The following ATP8A2 variants were observed in gnomAD, a reference collection of about 807,000 sequenced individuals.
ATP8A2 encodes ATPase phospholipid transporting 8A2, also known as phospholipid-transporting ATPase IB.
Under a neutral mutation model 165.6 loss-of-function variants are expected in ATP8A2, and 100 were observed. The observed-to-expected ratio is 0.60, with a 90% CI of 0.51 to 0.71. The LOEUF (loss-of-function observed/expected upper bound fraction) is 0.71, where lower values mean the gene tolerates loss of function less well. Ranked by LOEUF, ATP8A2 falls within the 30% of genes least tolerant of loss-of-function variation. The pLI, the probability that ATP8A2 is intolerant of heterozygous loss-of-function variation, is 0.00. For missense variants in ATP8A2, 1,227 were observed against 1,479.5 expected (o/e 0.83, Z 2.80); for synonymous variants, 543 against 548.8 (o/e 0.99, Z 0.15).
intron 16 of ATP8A2, among the ~76,000 whole-genome samples, chr13:25,567,667 G>T (rs1211840360): frequency 1.3e-5 from 2 of 152,172 alleles, no homozygotes; most frequent in African/African-American, 4.8e-5. Flanking sequence ...TTTAGTAAAA[G>T]CCTCCTAGCC....
chr13:25,998,808 C>G (rs905724605), intron 35 of ATP8A2, among the ~76,000 whole-genome samples: 2 of 152,150 alleles, frequency 1.3e-5, no homozygotes, highest in Non-Finnish European at 2.9e-5. Context: ...GAATGTCCCC[C>G]AAACTGTCCC....
rs543973196 is a variant in ATP8A2 at position 25,610,719 on chromosome 13, A to G, written c.2211+21020A>G. Among the ~76,000 whole-genome samples the G allele has an allele frequency of 4.0e-5, 6 of 151,894 alleles. No individual in the cohort carries two copies. The South Asian group carries it at 1.2e-3, about 31-fold the overall frequency. ...TTGCTTTGGCAGGGTGGTCATTTCC[A>G]TTCGTGGGATGTATTTCCATTTGTT... is the stretch of plus-strand genomic sequence containing the variant. On this transcript the variant is annotated intron_variant, in intron 24 of 36. Transcript: ENST00000381655.
At chr13:25,680,883 G>A (rs957321411) in intron 24 of ATP8A2, among the ~76,000 whole-genome samples, 6 of 152,160 alleles carry the variant, frequency 3.9e-5, no homozygotes, top group Admixed American at 6.5e-5. Flanking sequence ...TAGAGATATT[G>A]TAAAAGGGAC....
intron 2 of ATP8A2, among the ~76,000 whole-genome samples, chr13:25,510,163 C>T (rs150292397): frequency 1.4e-5 from 2 of 143,686 alleles, no homozygotes; most frequent in Non-Finnish European, 3.0e-5. Context: ...TGTCTGTTCC[C>T]GTCTGTCTGT....
At chr13:25,809,168 C>T (rs1318739720) in intron 27 of ATP8A2, among the ~76,000 whole-genome samples, 1 of 152,068 alleles carries the variant, frequency 6.6e-6, no homozygotes, top group Non-Finnish European at 1.5e-5. Context: ...GAACAACAGA[C>T]ACAGGGGCCT....
chr13:25,450,007 G>C (rs968083360), intron 1 of ATP8A2, among the ~76,000 whole-genome samples: 1 of 151,962 alleles, frequency 6.6e-6, no homozygotes, highest in Non-Finnish European at 1.5e-5. Flanking sequence ...AGTCCCCAGT[G>C]TGTGCTGTTC....
At chr13:25,634,925 G>T (rs2041332534) in intron 24 of ATP8A2, among the ~76,000 whole-genome samples, 1 of 152,020 alleles carries the variant, frequency 6.6e-6, no homozygotes, top group Non-Finnish European at 1.5e-5. Flanking sequence ...ACAATTACTA[G>T]ATCATTAGCA....
chr13:25,535,119 T>C (rs1324456388), intron 6 of ATP8A2, among the ~76,000 whole-genome samples: 2 of 152,184 alleles, frequency 1.3e-5, no homozygotes, highest in African/African-American at 4.8e-5. Context: ...GATGCTCTAG[T>C]GCGCTCTTGA....
At chr13:25,387,908 A>G (rs2033113659) in intron 1 of ATP8A2, among the ~76,000 whole-genome samples, 1 of 151,996 alleles carries the variant, frequency 6.6e-6, no homozygotes, top group Non-Finnish European at 1.5e-5. Flanking sequence ...TACTAAAAAT[A>G]TAAAATTAGC....
At chr13:25,927,322 CA>C in intron 33 of ATP8A2, 1 of 400,750 alleles carries the variant, frequency 2.5e-6, no homozygotes, top group Admixed American at 2.8e-5. Flanking sequence ...GGAGTGAGTT[CA>C]GTGTTTGGTT....
intron 6 of ATP8A2, among the ~76,000 whole-genome samples, chr13:25,535,093 A>C: frequency 6.6e-6 from 1 of 152,106 alleles, no homozygotes; most frequent in East Asian, 1.9e-4. Context: ...CAGATCAGGA[A>C]AGTCTGCCCT....
chr13:25,572,259 G>A (rs1593558942), intron 18 of ATP8A2, among the ~76,000 whole-genome samples: 1 of 152,062 alleles, frequency 6.6e-6, no homozygotes, highest in Non-Finnish European at 1.5e-5. Context: ...CTCAGCCTCC[G>A]GAGTAGCTGG....
At chr13:25,619,419 C>T (rs1014463173) in intron 24 of ATP8A2, among the ~76,000 whole-genome samples, 1 of 152,056 alleles carries the variant, frequency 6.6e-6, no homozygotes, top group Non-Finnish European at 1.5e-5. Flanking sequence ...TCATAAAGCA[C>T]AAGAAAGAAG....
chr13:25,815,183 C>CA (rs373451207), intron 27 of ATP8A2, among the ~76,000 whole-genome samples: 2,162 of 152,086 alleles, frequency 0.014, 25 homozygotes, highest in Non-Finnish European at 0.021. Context: ...GCAACAACAC[C>CA]AAAAAATAGA....
At chr13:25,686,279 C>T (rs922229414) in intron 24 of ATP8A2, among the ~76,000 whole-genome samples, 11 of 152,160 alleles carry the variant, frequency 7.2e-5, no homozygotes, top group African/African-American at 2.7e-4. Flanking sequence ...TCACAAGGAG[C>T]GGATGCGTCA....
At chr13:25,917,338 C>T (rs1227675968) in intron 33 of ATP8A2, among the ~76,000 whole-genome samples, 3 of 152,226 alleles carry the variant, frequency 2.0e-5, no homozygotes. Flanking sequence ...TAAAGACTTT[C>T]TAAATCTGCA....
At chr13:25,562,965 A>T (rs1396165573) in intron 15 of ATP8A2, among the ~76,000 whole-genome samples, 1 of 152,176 alleles carries the variant, frequency 6.6e-6, no homozygotes, top group Non-Finnish European at 1.5e-5. Context: ...CCTTCCCAGC[A>T]CACTGTTGAG....
chr13:25,605,715 C>A (rs2040498818), intron 24 of ATP8A2, among the ~76,000 whole-genome samples: 1 of 152,128 alleles, frequency 6.6e-6, no homozygotes, highest in South Asian at 2.1e-4. Context: ...TAATATGTAG[C>A]TGCAGCTCGG....
intron 1 of ATP8A2, among the ~76,000 whole-genome samples, chr13:25,461,040 A>AT (rs1206469251): frequency 2.1e-4 from 32 of 152,288 alleles, no homozygotes; most frequent in Middle Eastern, 3.4e-3. Flanking sequence ...ACCCAACAAT[A>AT]TTTTAAATCA....
Sources: allele counts gnomAD v4.1 joint callset (sites outside exome capture counted in the v4.1 genomes callset), GRCh38; gene constraint gnomAD v4.1.1; transcripts MANE v1.5; gene names NCBI Gene and HGNC (gene_info 2026-07-23, HGNC 2026-07-21).